Variants in YAE1 observed in about 807,000 individuals in gnomAD.
The protein encoded by YAE1 is YAE1 maturation factor of ABCE1.
Under a neutral mutation model 23.0 loss-of-function variants are expected in YAE1, and 22 were observed. The ratio of observed to expected loss-of-function variants is 0.96; its 90% CI spans 0.68 to 1.37. The LOEUF (loss-of-function observed/expected upper bound fraction) is 1.37, where lower values mean the gene tolerates loss of function less well. Among genes scored for constraint, YAE1 ranks in the 40% most tolerant of loss-of-function variants. The pLI is 0.00. For missense variants in YAE1, 260 were observed against 262.1 expected (o/e 0.99, Z 0.06); for synonymous variants, 101 against 97.0 (o/e 1.04, Z -0.24).
downstream of YAE1, among the ~76,000 whole-genome samples, chr7:39,575,577 A>AGAGAGAGAGAGAGTGTGTGTGT (rs1173016799): frequency 2.5e-5 from 2 of 80,208 alleles, no homozygotes; most frequent in Non-Finnish European, 4.7e-5. Flanking sequence ...AGAGAGAGAG[A>AGAGAGAGAGAGAGTGTGTGTGT]GTGAGTGTGT....
At chr7:39,572,128 A>C in intron 2 of YAE1, 149 bp from the exon 3 acceptor site, 2 of 807,054 alleles carry the variant, frequency 2.5e-6, no homozygotes, top group Non-Finnish European at 3.7e-6. Context: ...ATATAAAATC[A>C]GGAAAAGCGT....
At chr7:39,569,817 C>G in intron 1 of YAE1, 1 of 792,556 alleles carries the variant, frequency 1.3e-6, no homozygotes, top group Non-Finnish European at 2.3e-6. Flanking sequence ...CTCTTTATCA[C>G]TTATAAAGTT....
Position 39,566,415 on chromosome 7 carries a change from G to T in YAE1, c.-4G>T. 6.2e-7 allele frequency: 1 copy of T among 1,613,286 alleles called. No homozygotes were observed. Among genetic ancestry groups the T allele is most frequent in the South Asian group, 1.1e-5 (1 of 91,048 alleles). ...TGGCCTGCGACCCCGTAATTGCCTC[G>T]GTGATGTCGTGGGTTCAAGCAGCCT... On this transcript the variant is annotated 5_prime_UTR_variant, in exon 1 of 3. Coordinates refer to ENST00000223273, the MANE Select transcript of YAE1 (RefSeq NM_020192.5).
chr7:39,606,283 A>G (rs1160072807), intron 2 of YAE1, among the ~76,000 whole-genome samples: 1 of 152,244 alleles, frequency 6.6e-6, no homozygotes, highest in Non-Finnish European at 1.5e-5. Context: ...GTTATTTTTA[A>G]TAACCATTTC....
chr7:39,580,022 G>C (rs960499960), intron 2 of YAE1, among the ~76,000 whole-genome samples: 2 of 152,000 alleles, frequency 1.3e-5, no homozygotes, highest in African/African-American at 4.8e-5. Flanking sequence ...TCTAGCCTAG[G>C]CAACAGAGTG....
chr7:39,596,885 T>A (rs547617987), intron 2 of YAE1, among the ~76,000 whole-genome samples: 1 of 152,342 alleles, frequency 6.6e-6, no homozygotes, highest in East Asian at 1.9e-4. Flanking sequence ...ATAACTAACA[T>A]GTTAAGTAAA....
chr7:39,596,580 A>G (rs56895888), intron 2 of YAE1, among the ~76,000 whole-genome samples: 17,311 of 152,068 alleles, frequency 0.11, 2,450 homozygotes, highest in African/African-American at 0.33. Flanking sequence ...ATGTAGCTTA[A>G]ATGTTTACTT....
Position 39,566,626 on chromosome 7 carries a change from G to A in YAE1, c.129+79G>A, listed in dbSNP as rs568852926. Reference sequence around the variant, plus strand: ...TTGTGAAGAAGCTGGGTCCAGAGTGGCCCCAGCCTGGCCCGGCGCTGCTCT... The same window carrying A: ...TTGTGAAGAAGCTGGGTCCAGAGTGACCCCAGCCTGGCCCGGCGCTGCTCT... On this transcript the variant is annotated intron_variant, in intron 1 of 2. Transcript: ENST00000223273. The A allele has an allele frequency of 2.6e-4, 402 of 1,575,074 alleles. 1 individual carries two copies. In the African/African-American group the frequency reaches 5.1e-3, roughly 20 times the overall value.
At chr7:39,571,385 C>G (rs2115773276) in intron 2 of YAE1, among the ~76,000 whole-genome samples, 1 of 150,696 alleles carries the variant, frequency 6.6e-6, no homozygotes, top group South Asian at 2.1e-4. Flanking sequence ...GATTGGACAC[C>G]CCTGCTTTAT....
At chr7:39,595,243 G>A (rs1009579254) in intron 2 of YAE1, among the ~76,000 whole-genome samples, 26 of 151,776 alleles carry the variant, frequency 1.7e-4, no homozygotes, top group Non-Finnish European at 3.2e-4. Flanking sequence ...TTTTTCCAAG[G>A]TTAAGGACAT....
At chr7:39,607,441 G>A (rs1346624944) in intron 2 of YAE1, among the ~76,000 whole-genome samples, 1 of 149,852 alleles carries the variant, frequency 6.7e-6, no homozygotes, top group African/African-American at 2.5e-5. Context: ...GCTTGGCTTG[G>A]TATTGCTGGA....
chr7:39,572,601 A>C lies in YAE1; in HGVS notation c.576A>C (p.Ala192=). 6.2e-7 allele frequency: 1 copy of C among 1,614,130 alleles called. No individual in the cohort carries two copies. Among genetic ancestry groups the C allele is most frequent in the Non-Finnish European group, 8.5e-7 (1 of 1,179,962 alleles). The part of the protein sequence containing the change: ...YVECCRTQEH[A]HSENPSPTWI... ...AATGTTGTAGAACACAGGAGCATGC[A>C]CATTCAGAAAACCCAAGCCCCACAT... Residue 192 remains alanine, a synonymous_variant, in exon 3 of 3, where the codon GCA becomes GCC. Coordinates refer to ENST00000223273, the MANE Select transcript of YAE1 (RefSeq NM_020192.5).
intron 2 of YAE1, among the ~76,000 whole-genome samples, chr7:39,601,525 CGAGATGGGTG>C (rs1791054108): frequency 6.6e-6 from 1 of 151,954 alleles, no homozygotes; most frequent in Non-Finnish European, 1.5e-5. Context: ...TTTGGGAGGC[CGAGATGGGTG>C]GATCACCTGA....
downstream of YAE1, among the ~76,000 whole-genome samples, chr7:39,574,161 A>AT (rs1790618045): frequency 6.6e-6 from 1 of 152,186 alleles, no homozygotes; most frequent in South Asian, 2.1e-4. Flanking sequence ...TCCTGATAAG[A>AT]TTCCCTGAAG....
At chr7:39,582,557 G>T (rs1790761305) in intron 2 of YAE1, among the ~76,000 whole-genome samples, 1 of 152,180 alleles carries the variant, frequency 6.6e-6, no homozygotes. Context: ...AGGCCAATAT[G>T]AGGTCTGTAT....
At chr7:39,571,161 C>A (rs145346071) in intron 2 of YAE1, among the ~76,000 whole-genome samples, 175 of 152,234 alleles carry the variant, frequency 1.1e-3, no homozygotes, top group African/African-American at 3.9e-3. Flanking sequence ...AACCAGTGGC[C>A]TGCATATCAC....
chr7:39,606,934 A>T (rs1791138477), intron 2 of YAE1, among the ~76,000 whole-genome samples: 1 of 152,272 alleles, frequency 6.6e-6, no homozygotes, highest in Admixed American at 6.5e-5. Flanking sequence ...AGAGAAAAAT[A>T]AAATTTTTAT....
chr7:39,609,988 A>G (rs1791186960), exon 3 of YAE1: 3 of 1,516,434 alleles, frequency 2.0e-6, no homozygotes, highest in East Asian at 4.9e-5. Flanking sequence ...CACATTTAGA[A>G]GTTGTTCTTA....
intron 1 of YAE1, 24 bp from the exon 2 acceptor site, chr7:39,570,482 C>T (rs1304192104): frequency 3.1e-6 from 5 of 1,605,064 alleles, no homozygotes; most frequent in African/African-American, 2.7e-5. Flanking sequence ...GTTACAGCTG[C>T]ACTTCTCCAT....
Sources: gnomAD v4.1 joint callset for allele counts (sites outside exome capture counted in the v4.1 genomes callset) on GRCh38, gnomAD v4.1.1 for gene constraint, MANE v1.5 for transcripts, NCBI Gene and HGNC (gene_info 2026-07-23, HGNC 2026-07-21) for gene names.